The following CHFR variants were observed in gnomAD, a reference collection of about 807,000 sequenced individuals.
CHFR encodes the protein E3 ubiquitin-protein ligase CHFR.
In CHFR, 57 loss-of-function variants were observed where a neutral mutation model predicts 87.6. That is an observed-to-expected ratio of 0.65 (90% confidence interval 0.53 to 0.81). The LOEUF (loss-of-function observed/expected upper bound fraction) is 0.81. Ranked by LOEUF, CHFR falls within the 30% of genes least tolerant of loss-of-function variation. The pLI is 0.00. For synonymous variants in CHFR, 381 were observed against 359.2 expected (o/e 1.06, Z -0.69); for missense variants, 797 against 865.8 (o/e 0.92, Z 1.00).
At chr12:132,870,852 C>T (rs1317863015) in intron 4 of CHFR, 69 bp from the exon 5 acceptor site, 2 of 914,124 alleles carry the variant, frequency 2.2e-6, no homozygotes, top group African/African-American at 3.3e-5. Context: ...TTTTTCTCTT[C>T]TGTTCTCCAG....
At chr12:132,846,961 T>C in intron 15 of CHFR, 82 bp downstream of exon 15, 1 of 965,492 alleles carries the variant, frequency 1.0e-6, no homozygotes, top group Non-Finnish European at 1.7e-6. Context: ...AAGGTCGGAG[T>C]TGTCACTGGG....
chr12:132,859,185 G>A lies in CHFR; in HGVS notation c.794C>T (p.Pro265Leu), dbSNP rs760584451. Residue 265 changes from proline (P) to leucine (L), a missense_variant, in exon 8 of 18, where the codon CCG (proline) becomes CTG (leucine). Physicochemically the swap from Pro to Leu is moderately conservative, Grantham distance 98 (BLOSUM62 -3). Around this residue, in one of 2 missense-constraint regions of CHFR, gnomAD observed 597 missense variants for 601.2 expected, o/e 0.99. Coordinates refer to ENST00000450056, the MANE Select transcript of CHFR (RefSeq NM_001161346.2). Reference protein sequence around the residue: ...DLNGQLLVAQPRRNAQTVHED... With the variant: ...DLNGQLLVAQLRRNAQTVHED... ...GTGGACGGTTTGGGCATTTCTACGC[G>A]GTTGTGCGACCAACAACTGCCCGTT... is the stretch of plus-strand genomic sequence containing the variant. 38 of 1,613,758 alleles carry A rather than the reference G, an allele frequency of 2.4e-5. No individual in the cohort carries two copies. Among genetic ancestry groups the A allele is most frequent in the South Asian group, 1.3e-4 (12 of 91,020 alleles).
chr12:132,841,627 G>A (rs1295254564), intron 17 of CHFR, 31 bp from the exon 18 acceptor site: 3 of 1,546,520 alleles, frequency 1.9e-6, no homozygotes, highest in East Asian at 2.2e-5. Context: ...AATTACACAA[G>A]AGAGCATTGG....
chr12:132,837,060 G>A lies in CHFR; in HGVS notation c.*4494C>T. ...AATGAGGAGAGGCTGCAGAGGGAGG[G>A]GCTGGTACCTGAGGGGCTGTTTGTG... On this transcript the variant is annotated 3_prime_UTR_variant, in exon 18 of 18. Transcript: ENST00000450056. 3.0e-6 allele frequency: 1 copy of A among 337,362 alleles called. No homozygotes were observed. Among genetic ancestry groups the A allele is most frequent in the Non-Finnish European group, 5.8e-6 (1 of 172,546 alleles). The allele number at this position is 337,362 out of a possible 1,614,324, so 20.9% of individuals were successfully genotyped here. A position where few individuals can be genotyped will look rare whatever the true frequency, so the allele number is the denominator to read the frequency against.
Position 132,869,757 on chromosome 12 carries a change from C to A in CHFR, c.445G>T (p.Val149Phe). 6.4e-7 allele frequency: 1 copy of A among 1,551,422 alleles called. No individual in the cohort carries two copies. Among genetic ancestry groups the A allele is most frequent in the Non-Finnish European group, 8.7e-7 (1 of 1,146,970 alleles). Residue 149 changes from valine (V) to phenylalanine (F), a missense_variant, in exon 6 of 18, where the codon GTC (valine) becomes TTC (phenylalanine). Around this residue, in one of 2 missense-constraint regions of CHFR, gnomAD observed 597 missense variants for 601.2 expected, o/e 0.99. Transcript: ENST00000450056. ...TGAGTGGCGGGCGACGACGGAGGGA[C>A]CCGGGGATCGGCCCCTCGCCCTGCA... The part of the protein sequence containing the change: ...AGAGRGADPR[V>F]PPSSPATQVC...
At chr12:132,847,400 T>C (rs1241733440) in intron 14 of CHFR, 4 of 1,194,512 alleles carry the variant, frequency 3.3e-6, no homozygotes, top group Non-Finnish European at 4.2e-6. Context: ...AGCCCAGGTG[T>C]GAATGAGACA....
At position 132,861,510 on chromosome 12, in the gene CHFR, C is replaced by G. The variant is rs761615752; in HGVS notation, c.708G>C (p.Gln236His). The G allele has an allele frequency of 3.1e-6, 5 of 1,614,220 alleles. No individual in the cohort carries two copies. The highest frequency in any genetic ancestry group is 1.7e-6 in the Non-Finnish European group (2 of 1,180,036). ...TCACGGGCTCCAAATCCTCCTGATC[C>G]TGGGGTTCCAACGACGAAAAGGACG... The part of the protein sequence containing the change: ...KTASFSSLEP[Q>H]DQEDLEPVKK... The change falls in exon 7 of 18, where the codon CAG becomes CAC. Residue 236 changes from glutamine (Q) to histidine (H), a missense_variant. This residue lies in a region of CHFR where 597 missense variants were observed against 601.2 expected (regional missense o/e 0.99). Transcript: ENST00000450056.
At chr12:132,852,337 T>C (rs1279164857) in intron 11 of CHFR, among the ~76,000 whole-genome samples, 1 of 152,112 alleles carries the variant, frequency 6.6e-6, no homozygotes, top group African/African-American at 2.4e-5. Context: ...GACAAGCCCA[T>C]AGAACCTATG....
At position 132,860,716 on chromosome 12, in the gene CHFR, A is replaced by G. The variant is rs545264857; in HGVS notation, c.751+751T>C. Among the ~76,000 whole-genome samples, 5 of 152,338 alleles carry G rather than the reference A, an allele frequency of 3.3e-5. No homozygotes were observed. The South Asian group carries it at 1.0e-3, about 32-fold the overall frequency. On this transcript the variant is annotated intron_variant, in intron 7 of 17. Coordinates refer to ENST00000450056, the MANE Select transcript of CHFR (RefSeq NM_001161346.2). ...ATGTGAAGATTTAAGCTACATTTTT[A>G]GAAATTATTGTCCTACCAGGACAGA... is the stretch of plus-strand genomic sequence containing the variant.
At chr12:132,850,418 G>A (rs1004020632) in intron 12 of CHFR, among the ~76,000 whole-genome samples, 1 of 151,858 alleles carries the variant, frequency 6.6e-6, no homozygotes, top group Non-Finnish European at 1.5e-5. Context: ...AAGCTGGGCC[G>A]AGCTGCCATC....
chr12:132,865,445 C>T (rs1951312391), intron 6 of CHFR, among the ~76,000 whole-genome samples: 1 of 151,936 alleles, frequency 6.6e-6, no homozygotes, highest in Non-Finnish European at 1.5e-5. Flanking sequence ...ACCTCCGCCT[C>T]CCAGCCTCAG....
intron 6 of CHFR, chr12:132,866,235 G>A (rs1951332600): frequency 6.6e-6 from 1 of 152,194 alleles, no homozygotes; most frequent in Non-Finnish European, 1.5e-5. Flanking sequence ...CACCTGAGAA[G>A]TCCTCCCAGG....
At chr12:132,842,008 G>A (rs1285834742) in intron 17 of CHFR, among the ~76,000 whole-genome samples, 1 of 151,196 alleles carries the variant, frequency 6.6e-6, no homozygotes, top group Non-Finnish European at 1.5e-5. Flanking sequence ...TACTCGGGAG[G>A]CTGAGGCAAA....
In CHFR at chr12:132,882,659, C is replaced by T. The variant is rs1353732027; in HGVS notation, c.133+4537G>A. Reference sequence around the variant, plus strand: ...CCAAAACCAGTGCAAGTCACGGTGTCGCCAGAGCCAGTTTGTAACAGAGGC... The same window carrying T: ...CCAAAACCAGTGCAAGTCACGGTGTTGCCAGAGCCAGTTTGTAACAGAGGC... On this transcript the variant is annotated intron_variant, in intron 2 of 17. Transcript: ENST00000450056. Among the ~76,000 whole-genome samples the T allele has an allele frequency of 2.6e-5, 4 of 151,582 alleles. No homozygotes were observed. The South Asian group carries it at 6.3e-4, about 24-fold the overall frequency.
Position 132,837,206 on chromosome 12 carries a change from G to A in CHFR, c.*4348C>T, listed in dbSNP as rs1950654598. On this transcript the variant is annotated 3_prime_UTR_variant, in exon 18 of 18. Transcript: ENST00000450056. ...GGTCATACATGCTGGGCCTTCAAGGGCCATGATATGGTTATCATTACTATG... is the reference window on the plus strand; with the variant it reads ...GGTCATACATGCTGGGCCTTCAAGGACCATGATATGGTTATCATTACTATG... 1.7e-5 allele frequency: 4 copies of A among 239,964 alleles called. No homozygotes were observed. The highest frequency in any genetic ancestry group is 1.0e-4 in the Admixed American group (2 of 19,270). The allele number at this position is 239,964 out of a possible 1,614,324, so 14.9% of individuals were successfully genotyped here. A position where few individuals can be genotyped will look rare whatever the true frequency, so the allele number is the denominator to read the frequency against.
At chr12:132,843,897 C>T (rs1321543686) in intron 16 of CHFR, 130 bp downstream of exon 16, 3 of 564,412 alleles carry the variant, frequency 5.3e-6, no homozygotes, top group East Asian at 3.2e-5. Context: ...TGCAGTGAGC[C>T]GAGATTGCAC....
At chr12:132,886,311 A>T (rs1157522927) in intron 2 of CHFR, among the ~76,000 whole-genome samples, 1 of 151,780 alleles carries the variant, frequency 6.6e-6, no homozygotes, top group African/African-American at 2.4e-5. Context: ...CTCTTATCTC[A>T]AAAAAACAAA....
At chr12:132,881,257 CAA>C (rs34009587) in intron 2 of CHFR, among the ~76,000 whole-genome samples, 5 of 119,490 alleles carry the variant, frequency 4.2e-5, no homozygotes, top group Admixed American at 8.7e-5. Flanking sequence ...GACTCCATCT[CAA>C]AAAAAAAAAA....
chr12:132,865,342 A>G (rs959035720), intron 6 of CHFR, among the ~76,000 whole-genome samples: 1 of 152,102 alleles, frequency 6.6e-6, no homozygotes, highest in Admixed American at 6.6e-5. Context: ...TCAGGTGGCT[A>G]TTCAAATCTG....
Sources: allele counts gnomAD v4.1 joint callset (sites outside exome capture counted in the v4.1 genomes callset), GRCh38; gene constraint gnomAD v4.1.1; regional missense constraint gnomAD v4.1.1; transcripts MANE v1.5; gene names NCBI Gene and HGNC (gene_info 2026-07-23, HGNC 2026-07-21).